Variants in CEP57L1 observed in about 807,000 individuals in gnomAD.
The protein encoded by CEP57L1 is centrosomal protein 57 like 1, also known as centrosomal protein CEP57L1.
Under a neutral mutation model 61.0 loss-of-function variants are expected in CEP57L1, and 37 were observed. That is an observed-to-expected ratio of 0.61 (90% CI 0.47 to 0.80). The LOEUF (loss-of-function observed/expected upper bound fraction) is 0.80. Ranked by LOEUF, CEP57L1 falls within the 30% of genes least tolerant of loss-of-function variation. CEP57L1 has a pLI of 0.00. For missense variants in CEP57L1, 422 were observed against 524.7 expected (o/e 0.80, Z 1.91); for synonymous variants, 137 against 162.3 (o/e 0.84, Z 1.19).
rs1159667820 is a variant in CEP57L1 at position 109,165,299 on chromosome 6, C to T, written c.*2329C>T. ...AAGTGAGGATTATACTAATATCTCC[C>T]TCACAGGACTATACTAATTTGTTGT... On this transcript the variant is annotated 3_prime_UTR_variant, in exon 11 of 11. Coordinates refer to ENST00000517392, the MANE Select transcript of CEP57L1 (RefSeq NM_001271852.3). Among the ~76,000 whole-genome samples the T allele has an allele frequency of 6.6e-6, 1 of 151,774 alleles. No homozygotes were observed. The highest frequency in any genetic ancestry group is 2.4e-5 in the African/African-American group (1 of 41,304).
rs1460425011 is a variant in CEP57L1 at position 109,164,538 on chromosome 6, TGA to T, written c.*1569_*1570del. Among the ~76,000 whole-genome samples, 1 of 152,162 alleles carries T rather than the reference TGA, an allele frequency of 6.6e-6. No individual in the cohort carries two copies. The highest frequency in any genetic ancestry group is 1.5e-5 in the Non-Finnish European group (1 of 68,034). On this transcript the variant is annotated 3_prime_UTR_variant, in exon 11 of 11. Transcript: ENST00000517392. ...CCCTGGAGATGTTCCATAGGGTGTT[TGA>T]TCTAAACTCAGTTGCATCACCTTAC...
chr6:109,163,024 T>A lies in CEP57L1; in HGVS notation c.*54T>A, dbSNP rs1030315621. ...ACTTTGTCAGTGAGACCTTGAATTG[T>A]CTAAAGTGGTTTTAATTTAATATAA... On this transcript the variant is annotated 3_prime_UTR_variant, in exon 11 of 11. Transcript: ENST00000517392. The A allele has an allele frequency of 2.1e-5, 23 of 1,092,170 alleles. No homozygotes were observed. The highest frequency in any genetic ancestry group is 5.5e-6 in the Non-Finnish European group (4 of 733,784). The allele number at this position is 1,092,170 out of a possible 1,614,324, so 67.7% of individuals were successfully genotyped here.
chr6:109,124,599 T>TA (rs1306656297), intron 1 of CEP57L1, among the ~76,000 whole-genome samples: 2 of 152,238 alleles, frequency 1.3e-5, no homozygotes, highest in Non-Finnish European at 2.9e-5. Flanking sequence ...TTTAGTAAGT[T>TA]AATTCACAGA....
At position 109,159,037 on chromosome 6, in the gene CEP57L1, A is replaced by G; in HGVS notation, c.757A>G (p.Ile253Val). 1 of 1,613,192 alleles carries G rather than the reference A, an allele frequency of 6.2e-7. No homozygotes were observed. Among genetic ancestry groups the G allele is most frequent in the Non-Finnish European group, 8.5e-7 (1 of 1,179,858 alleles). ...KKKSSKKTKC[I>V]KRRPPWQICS... Reference sequence around the variant, plus strand: ...TGCCAATCTCTAGAAAACTAAATGTATAAAGAGACGACCACCTTGGCAAAT... The same window carrying G: ...TGCCAATCTCTAGAAAACTAAATGTGTAAAGAGACGACCACCTTGGCAAAT... The change falls in exon 8 of 11, where the codon ATA becomes GTA. Residue 253 changes from isoleucine (I) to valine (V), a missense_variant. Transcript: ENST00000517392.
intron 1 of CEP57L1, among the ~76,000 whole-genome samples, chr6:109,113,613 C>T (rs1771935064): frequency 6.6e-6 from 1 of 152,006 alleles, no homozygotes; most frequent in Non-Finnish European, 1.5e-5. Flanking sequence ...TAAGTCACAG[C>T]ATTATTTTAT....
In CEP57L1 at chr6:109,165,154, G is replaced by A. The variant is rs1200813666; in HGVS notation, c.*2184G>A. 1.3e-5 allele frequency among the ~76,000 whole-genome samples: 2 copies of A among 151,884 alleles called. No individual in the cohort carries two copies. The highest frequency in any genetic ancestry group is 4.8e-5 in the African/African-American group (2 of 41,352). On this transcript the variant is annotated 3_prime_UTR_variant, in exon 11 of 11. Coordinates refer to ENST00000517392, the MANE Select transcript of CEP57L1 (RefSeq NM_001271852.3). ...GAGAATTTTCTTAAAAATTAGTCCA[G>A]TGTAGTAGAAAAAACCACAACTTCA...
intron 1 of CEP57L1, among the ~76,000 whole-genome samples, chr6:109,142,487 C>T (rs753357651): frequency 4.0e-5 from 6 of 151,744 alleles, no homozygotes; most frequent in Non-Finnish European, 2.9e-5. Context: ...ACTTAGAGGA[C>T]GAGTCAATAG....
In CEP57L1 at chr6:109,173,716, G is replaced by A. The variant is rs1221822281; in HGVS notation, c.*10746G>A. Among the ~76,000 whole-genome samples, 1 of 151,650 alleles carries A rather than the reference G, an allele frequency of 6.6e-6. No homozygotes were observed. The highest frequency in any genetic ancestry group is 1.5e-5 in the Non-Finnish European group (1 of 67,928). On this transcript the variant is annotated 3_prime_UTR_variant, in exon 11 of 11. Coordinates refer to ENST00000517392, the MANE Select transcript of CEP57L1 (RefSeq NM_001271852.3). ...GCCTCCCAAAGCTCTGGGATTACAG[G>A]CATGAGCCACTGTGCCCGGCAGAAT...
chr6:109,097,399 C>T (rs1382749602), intron 1 of CEP57L1, among the ~76,000 whole-genome samples: 2 of 152,162 alleles, frequency 1.3e-5, no homozygotes, highest in Non-Finnish European at 2.9e-5. Context: ...TGGTGTCCTA[C>T]TACTGTTAAA....
intron 1 of CEP57L1, among the ~76,000 whole-genome samples, chr6:109,136,867 T>C (rs991949642): frequency 6.6e-6 from 1 of 152,134 alleles, no homozygotes; most frequent in Non-Finnish European, 1.5e-5. Context: ...GTGATTCTCC[T>C]GCCTCAGCTT....
intron 1 of CEP57L1, among the ~76,000 whole-genome samples, chr6:109,129,667 T>A (rs1280131766): frequency 6.6e-6 from 1 of 152,198 alleles, no homozygotes; most frequent in Non-Finnish European, 1.5e-5. Flanking sequence ...ATTTAAAAAG[T>A]CACATTTCTT....
Position 109,159,350 on chromosome 6 carries a change from A to G in CEP57L1, c.904A>G (p.Thr302Ala). ...TAGATGTCTCCCCAAGCCTTCTAGAACAACTTCCTGGTGTAAAGCTATTCC... is the reference window on the plus strand; with the variant it reads ...TAGATGTCTCCCCAAGCCTTCTAGAGCAACTTCCTGGTGTAAAGCTATTCC... ...ETRCLPKPSR[T>A]TSWCKAIPPD... The change falls in exon 9 of 11, where the codon ACA (threonine) becomes GCA (alanine). Residue 302 changes from threonine (T) to alanine (A), a missense_variant. Coordinates refer to ENST00000517392, the MANE Select transcript of CEP57L1 (RefSeq NM_001271852.3). 2.5e-6 allele frequency: 4 copies of G among 1,614,138 alleles called. No homozygotes were observed. Among genetic ancestry groups the G allele is most frequent in the Non-Finnish European group, 2.5e-6 (3 of 1,179,996 alleles).
intron 1 of CEP57L1, among the ~76,000 whole-genome samples, chr6:109,099,837 C>T (rs566060272): frequency 2.6e-5 from 4 of 152,264 alleles, no homozygotes; most frequent in Admixed American, 2.6e-4. Flanking sequence ...CGTGAGCCAC[C>T]GTGCCCAACA....
rs1336040400 is a variant in CEP57L1, at chr6:109,168,980, C to T, written c.*6010C>T. On this transcript the variant is annotated 3_prime_UTR_variant, in exon 11 of 11. Transcript: ENST00000517392. ...GGCTCACGCCTGTAAAATCTTAACA[C>T]TTTAGGAGGCCGAGGCGGGCAGATT... 6.6e-6 allele frequency among the ~76,000 whole-genome samples: 1 copy of T among 151,340 alleles called. No homozygotes were observed. Among genetic ancestry groups the T allele is most frequent in the Non-Finnish European group, 1.5e-5 (1 of 67,828 alleles).
rs975577405 is a variant in CEP57L1 at position 109,167,525 on chromosome 6, T to G, written c.*4555T>G. 4.0e-5 allele frequency among the ~76,000 whole-genome samples: 6 copies of G among 150,756 alleles called. No individual in the cohort carries two copies. Among genetic ancestry groups the G allele is most frequent in the African/African-American group, 1.5e-4 (6 of 41,012 alleles). ...AGTGAAACCCTGTCTCTACTAAAAA[T>G]AAAAAAAAATTAGCTGGGTGTGGTA... On this transcript the variant is annotated 3_prime_UTR_variant, in exon 11 of 11. Transcript: ENST00000517392.
chr6:109,165,181 A>G lies in CEP57L1; in HGVS notation c.*2211A>G, dbSNP rs1774018291. ...GTAGTAGAAAAAACCACAACTTCAG[A>G]GCTAGGAAACTTGGTTTCAAATTCT... On this transcript the variant is annotated 3_prime_UTR_variant, in exon 11 of 11. Transcript: ENST00000517392. Among the ~76,000 whole-genome samples the G allele has an allele frequency of 6.6e-6, 1 of 152,114 alleles. No individual in the cohort carries two copies. The highest frequency in any genetic ancestry group is 2.1e-4 in the South Asian group (1 of 4,828).
intron 1 of CEP57L1, 151 bp from the exon 2 acceptor site, chr6:109,145,068 C>A: frequency 2.1e-6 from 1 of 465,712 alleles, no homozygotes; most frequent in Non-Finnish European, 3.8e-6. Flanking sequence ...TATTGCCAAG[C>A]CTATTAGAGT....
At chr6:109,134,150 G>A (rs1476977011) in intron 1 of CEP57L1, among the ~76,000 whole-genome samples, 2 of 152,160 alleles carry the variant, frequency 1.3e-5, no homozygotes, top group African/African-American at 4.8e-5. Flanking sequence ...GAACATCGAT[G>A]CAGAAATCCT....
chr6:109,112,227 C>T (rs965354426), intron 1 of CEP57L1, among the ~76,000 whole-genome samples: 4 of 152,016 alleles, frequency 2.6e-5, no homozygotes, highest in Admixed American at 1.3e-4. Context: ...TTCCGGGATT[C>T]GACTTCTTCC....
Sources: allele counts gnomAD v4.1 joint callset (sites outside exome capture counted in the v4.1 genomes callset), GRCh38; gene constraint gnomAD v4.1.1; transcripts MANE v1.5; gene names NCBI Gene and HGNC (gene_info 2026-07-23, HGNC 2026-07-21).